GRID2IP: variants seen among roughly 807,000 people sequenced by gnomAD.
The protein encoded by GRID2IP is delphilin.
In GRID2IP, 78 loss-of-function variants were observed where a neutral mutation model predicts 114.3. That is an observed-to-expected ratio of 0.68 (90% CI 0.57 to 0.82). The LOEUF is 0.82. Among genes scored for constraint, GRID2IP ranks in the 40% least tolerant of loss-of-function variants. The probability of loss-of-function intolerance (pLI) is 0.00; values close to 1 mark genes in which losing one functional copy is unlikely to be tolerated. For missense variants in GRID2IP, 1,727 were observed against 1,678.5 expected, an observed-to-expected ratio of 1.03 and a Z score of -0.51; for synonymous variants, 809 against 724.0, an observed-to-expected ratio of 1.12 and a Z score of -1.89.
At chr7:6,540,983 T>C (rs1275010526) in intron 1 of GRID2IP, among the ~76,000 whole-genome samples, 1 of 152,116 alleles carries the variant, frequency 6.6e-6, no homozygotes, top group Non-Finnish European at 1.5e-5. Context: ...ACCACAAGTA[T>C]GTGCCTACAT....
At chr7:6,511,727 T>C (rs1019135697) in intron 8 of GRID2IP, among the ~76,000 whole-genome samples, 4 of 152,146 alleles carry the variant, frequency 2.6e-5, no homozygotes, top group Admixed American at 2.6e-4. Context: ...TGGTCCAGCA[T>C]GGATCCTGAG....
In GRID2IP at chr7:6,499,453, C is replaced by A. The variant is rs146347815; in HGVS notation, c.3400-1225G>T. Reference sequence around the variant, plus strand: ...ATTAATTAATTAATTAATTTTGAGACAGAGTCTCGCTCTGTTGCCCAGACT... The same window carrying A: ...ATTAATTAATTAATTAATTTTGAGAAAGAGTCTCGCTCTGTTGCCCAGACT... On this transcript the variant is annotated intron_variant, in intron 20 of 21. Transcript: ENST00000457091. Among the ~76,000 whole-genome samples, 1,346 of 152,290 alleles carry A rather than the reference C, an allele frequency of 8.8e-3. 8 individuals are homozygous for A. The highest frequency in any genetic ancestry group is 0.016 in the South Asian group (75 of 4,828).
chr7:6,549,995 A>G (rs549706315), intron 1 of GRID2IP, among the ~76,000 whole-genome samples: 2 of 151,490 alleles, frequency 1.3e-5, no homozygotes, highest in African/African-American at 4.8e-5. Flanking sequence ...TTTTTATTTT[A>G]TCTTTTTATT....
chr7:6,503,191 C>G, intron 16 of GRID2IP, 28 bp from the exon 17 acceptor site: 2 of 1,481,062 alleles, frequency 1.4e-6, no homozygotes, highest in East Asian at 2.5e-5. Flanking sequence ...CCAGGATTCA[C>G]CCATCCCCTT....
chr7:6,504,438 C>A (rs1250077428), intron 15 of GRID2IP, among the ~76,000 whole-genome samples: 1 of 150,214 alleles, frequency 6.7e-6, no homozygotes, highest in African/African-American at 2.5e-5. Context: ...GACGGTCTTT[C>A]AGCGACCGAT....
In GRID2IP at chr7:6,521,800, C is replaced by A; in HGVS notation, c.989+88G>T. 1.0e-6 allele frequency: 1 copy of A among 1,004,850 alleles called. No homozygotes were observed. Among genetic ancestry groups the A allele is most frequent in the Non-Finnish European group, 1.5e-6 (1 of 659,696 alleles). 62.2% of individuals were successfully genotyped at this position (1,004,850 alleles called of 1,614,324 possible). ...CCAAATGGTGAGAGGAGATTGTGAT[C>A]ACAGCCTGGGTGCCCCAAGAGGCAG... On this transcript the variant is annotated intron_variant, in intron 5 of 21. Transcript: ENST00000457091. The surrounding 1 kb of genome is among the most constrained non-coding windows in gnomAD (Gnocchi z 4.1).
chr7:6,510,793 G>A, intron 9 of GRID2IP, 87 bp from the exon 10 acceptor site: 1 of 1,473,684 alleles, frequency 6.8e-7, no homozygotes, highest in Non-Finnish European at 9.2e-7. Context: ...ACCCAGGAGG[G>A]CCAATCCTGA....
rs1779977457 is a variant in GRID2IP, at chr7:6,551,312, C to T, written c.125G>A (p.Gly42Glu). 3.9e-6 allele frequency: 6 copies of T among 1,545,180 alleles called. No individual in the cohort carries two copies. The South Asian group carries it at 6.0e-5, about 15-fold the overall frequency. The stretch of plus-strand genomic sequence containing the variant: ...CAGGATCTGGTCTCCTGGCCGCAGT[C>T]CTCCGGCATGCGCGCTGCTCCCCTT... ...VAKGSSAHAG[G>E]LRPGDQILEV... The change falls in exon 1 of 22, where the codon GGA (glycine) becomes GAA (glutamate). Residue 42 changes from glycine to glutamate, a missense_variant. Coordinates refer to ENST00000457091, the MANE Select transcript of GRID2IP (RefSeq NM_001145118.2).
Position 6,520,857 on chromosome 7 carries a change from T to G in GRID2IP, c.1085-96A>C. 1 of 1,219,988 alleles carries G rather than the reference T, an allele frequency of 8.2e-7. No homozygotes were observed. The highest frequency in any genetic ancestry group is 1.5e-5 in the South Asian group (1 of 68,330). The allele number at this position is 1,219,988 out of a possible 1,614,324, so 75.6% of individuals were successfully genotyped here. A position where few individuals can be genotyped will look rare whatever the true frequency, so the allele number is the denominator to read the frequency against. Reference sequence around the variant, plus strand: ...TTTGAGGTCAGGAGACCTCCTGAGCTGGGGTGTGGCTGTCCAGTGCCATGC... The same window carrying G: ...TTTGAGGTCAGGAGACCTCCTGAGCGGGGGTGTGGCTGTCCAGTGCCATGC... On this transcript the variant is annotated intron_variant, in intron 6 of 21. Coordinates refer to ENST00000457091, the MANE Select transcript of GRID2IP (RefSeq NM_001145118.2). This position sits in a 1 kb window ranked among gnomAD's most constrained non-coding sequence, Gnocchi z 4.6.
At position 6,520,150 on chromosome 7, in the gene GRID2IP, G is replaced by A. The variant is rs1386692522; in HGVS notation, c.1268+428C>T. 5.9e-5 allele frequency among the ~76,000 whole-genome samples: 9 copies of A among 152,008 alleles called. No individual in the cohort carries two copies. Among genetic ancestry groups the A allele is most frequent in the African/African-American group, 1.2e-4 (5 of 41,410 alleles). On this transcript the variant is annotated intron_variant, in intron 7 of 21. Coordinates refer to ENST00000457091, the MANE Select transcript of GRID2IP (RefSeq NM_001145118.2). The surrounding 1 kb of genome is among the most constrained non-coding windows in gnomAD (Gnocchi z 4.6). ...TAGTAAAAATACAAAAAAATTAGCCGGGTGTGGTGGTGGGCACCTGTAATC... is the reference window on the plus strand; with the variant it reads ...TAGTAAAAATACAAAAAAATTAGCCAGGTGTGGTGGTGGGCACCTGTAATC...
At chr7:6,550,985 C>T in intron 1 of GRID2IP, 23 bp downstream of exon 1, 5 of 1,201,052 alleles carry the variant, frequency 4.2e-6, no homozygotes, top group Non-Finnish European at 4.2e-6. Flanking sequence ...TTCCCGCCCC[C>T]ACCTCCCACC....
At chr7:6,517,349 G>GC (rs1562517862) in intron 7 of GRID2IP, among the ~76,000 whole-genome samples, 1 of 151,772 alleles carries the variant, frequency 6.6e-6, no homozygotes, top group Non-Finnish European at 1.5e-5. Flanking sequence ...GAGCCACCGC[G>GC]CCCAGCCGTC....
chr7:6,503,618 CG>C lies in GRID2IP; in HGVS notation c.2779del (p.Arg927GlyfsTer122). On this transcript the variant is annotated frameshift_variant, in exon 16 of 22. Transcript: ENST00000457091. LOFTEE classifies it high-confidence loss of function. ...CGCGAGATGTGCGGGCTCCAGGCGCCGGGGCTCCATGCTCATCAGCACCTGG... is the reference window on the plus strand; with the variant it reads ...CGCGAGATGTGCGGGCTCCAGGCGCCGGGCTCCATGCTCATCAGCACCTGG... The part of the protein sequence containing the change: ...LRQVLMSMEP[R>X]RLEPAHLAQL... 1 of 1,528,560 alleles carries C rather than the reference CG, an allele frequency of 6.5e-7. No individual in the cohort carries two copies. The allele number at this position is 1,528,560 out of a possible 1,614,324, so 94.7% of individuals were successfully genotyped here.
chr7:6,529,733 C>A (rs1157174436), intron 2 of GRID2IP, among the ~76,000 whole-genome samples: 3 of 152,152 alleles, frequency 2.0e-5, no homozygotes, highest in African/African-American at 7.2e-5. Flanking sequence ...ACTATCCCCC[C>A]TGAGTGGCAG....
chr7:6,531,814 C>T (rs73344956), intron 2 of GRID2IP, among the ~76,000 whole-genome samples: 5,457 of 152,226 alleles, frequency 0.036, 324 homozygotes, highest in African/African-American at 0.12. Flanking sequence ...TTTGGCACAC[C>T]AGGAGAGGGC....
In GRID2IP at chr7:6,521,840, G is replaced by T; in HGVS notation, c.989+48C>A. The T allele has an allele frequency of 7.2e-7, 1 of 1,379,820 alleles. No individual in the cohort carries two copies. The allele number at this position is 1,379,820 out of a possible 1,614,324, so 85.5% of individuals were successfully genotyped here. On this transcript the variant is annotated intron_variant, in intron 5 of 21. Coordinates refer to ENST00000457091, the MANE Select transcript of GRID2IP (RefSeq NM_001145118.2). This position sits in a 1 kb window ranked among gnomAD's most constrained non-coding sequence, Gnocchi z 4.1. ...CCAAGAGGCAGGAGTCTTGCAGGGGGTGGGGGCAGCTCCTCACCAACCCCT... is the reference window on the plus strand; with the variant it reads ...CCAAGAGGCAGGAGTCTTGCAGGGGTTGGGGGCAGCTCCTCACCAACCCCT...
At chr7:6,548,007 T>C (rs1489523178) in intron 1 of GRID2IP, among the ~76,000 whole-genome samples, 5 of 152,312 alleles carry the variant, frequency 3.3e-5, no homozygotes, top group South Asian at 4.1e-4. Context: ...GTCTGTGAGC[T>C]TGATAACACA....
In GRID2IP at chr7:6,508,398, T is replaced by C. The variant is rs1786660600; in HGVS notation, c.2131A>G (p.Ser711Gly). 1.3e-6 allele frequency: 2 copies of C among 1,551,008 alleles called. No individual in the cohort carries two copies. The highest frequency in any genetic ancestry group is 1.7e-6 in the Non-Finnish European group (2 of 1,147,022). The change falls in exon 13 of 22, where the codon AGC becomes GGC. Residue 711 changes from serine (S) to glycine (G), a missense_variant. Ser to Gly is a moderately conservative substitution (Grantham distance 56, BLOSUM62 0). Coordinates refer to ENST00000457091, the MANE Select transcript of GRID2IP (RefSeq NM_001145118.2). This position sits in a 1 kb window ranked among gnomAD's most constrained non-coding sequence, Gnocchi z 5.6. ...LTPENDYEEM[S>G]FHDDQGSFVT... ...AAGCTGCCCTGGTCATCATGGAAGC[T>C]CATCTGGTGGTGGGGAGAGAGGCAA...
chr7:6,501,647 C>A, intron 20 of GRID2IP, 134 bp downstream of exon 20: 1 of 699,768 alleles, frequency 1.4e-6, no homozygotes, highest in Admixed American at 2.4e-5. Flanking sequence ...TCCAGGACCC[C>A]TGGGTGCACA....
Sources: allele counts gnomAD v4.1 joint callset (sites outside exome capture counted in the v4.1 genomes callset), GRCh38; gene constraint gnomAD v4.1.1; non-coding constraint Gnocchi (gnomAD v3.1); transcripts MANE v1.5; gene names NCBI Gene and HGNC (gene_info 2026-07-23, HGNC 2026-07-21).